The following SLIT3 variants were observed in gnomAD, a reference collection of about 807,000 sequenced individuals.
SLIT3 encodes the protein slit homolog 3 protein.
SLIT3 carries 68 observed loss-of-function variants against 184.0 expected under a neutral mutation model. The ratio of observed to expected loss-of-function variants is 0.37; its 90% CI spans 0.30 to 0.45. SLIT3 has a LOEUF of 0.45. Among genes scored for constraint, SLIT3 ranks in the 20% least tolerant of loss-of-function variants. SLIT3 has a pLI of 1.00. For missense variants in SLIT3, 1,707 were observed against 2,026.0 expected (o/e 0.84, Z 3.02); for synonymous variants, 831 against 828.6 (o/e 1.00, Z -0.05).
intron 4 of SLIT3, among the ~76,000 whole-genome samples, chr5:169,104,417 C>G (rs1760129170): frequency 6.6e-6 from 1 of 152,196 alleles, no homozygotes; most frequent in South Asian, 2.1e-4. Flanking sequence ...TTCCTGACAT[C>G]TTTGCATAGG....
rs114296485 is a variant in SLIT3, at chr5:169,192,033, T to G, written c.413+1446A>C. On this transcript the variant is annotated intron_variant, in intron 4 of 35. Transcript: ENST00000519560. ...TGCAATGCAGTACTGGGTGGAGAGA[T>G]AGTGATTACGTGAGCATCTAAGGGC... 6.8e-3 allele frequency among the ~76,000 whole-genome samples: 1,039 copies of G among 152,232 alleles called. 7 individuals are homozygous for G. Among genetic ancestry groups the G allele is most frequent in the Middle Eastern group, 0.034 (10 of 294 alleles).
At chr5:168,890,958 T>C (rs1296790571) in intron 4 of SLIT3, among the ~76,000 whole-genome samples, 1 of 152,228 alleles carries the variant, frequency 6.6e-6, no homozygotes, top group African/African-American at 2.4e-5. Context: ...CACATCCCGG[T>C]TCTGCTACTC....
At chr5:168,742,528 C>G (rs2915812) in intron 20 of SLIT3, among the ~76,000 whole-genome samples, 2,461 of 82,720 alleles carry the variant, frequency 0.03, 49 homozygotes, top group Middle Eastern at 0.066. Flanking sequence ...TGAGACATAC[C>G]AGCTGCACAC....
intron 9 of SLIT3, among the ~76,000 whole-genome samples, chr5:168,802,038 T>G (rs1302342123): frequency 6.6e-6 from 1 of 151,548 alleles, no homozygotes; most frequent in South Asian, 2.1e-4. Context: ...TAGCTAAGGA[T>G]TGAGAATAGG....
chr5:168,813,652 T>C (rs568666449), intron 8 of SLIT3, among the ~76,000 whole-genome samples: 11 of 152,312 alleles, frequency 7.2e-5, no homozygotes, highest in African/African-American at 1.2e-4. Flanking sequence ...ACAGAGGAGA[T>C]GAATTTTGCC....
At chr5:169,096,509 T>C (rs1759788549) in intron 4 of SLIT3, among the ~76,000 whole-genome samples, 1 of 152,256 alleles carries the variant, frequency 6.6e-6, no homozygotes, top group African/African-American at 2.4e-5. Flanking sequence ...GCCATAGATA[T>C]GTAAATAAGT....
At chr5:169,058,269 C>A (rs1396707068) in intron 4 of SLIT3, among the ~76,000 whole-genome samples, 1 of 152,242 alleles carries the variant, frequency 6.6e-6, no homozygotes, top group African/African-American at 2.4e-5. Flanking sequence ...CAGCCTTTCT[C>A]CCCACTAGTA....
At chr5:169,189,535 T>G (rs1469510036) in intron 4 of SLIT3, among the ~76,000 whole-genome samples, 1 of 5,622 alleles carries the variant, frequency 1.8e-4, no homozygotes, top group African/African-American at 6.5e-4. Context: ...GGGATATATA[T>G]ATATATATAT....
chr5:168,851,902 C>T (rs1212551381), intron 5 of SLIT3, among the ~76,000 whole-genome samples: 1 of 152,216 alleles, frequency 6.6e-6, no homozygotes, highest in Non-Finnish European at 1.5e-5. Flanking sequence ...AAAGGCTCCT[C>T]ACTGCAGCTT....
At chr5:168,914,610 C>T (rs938847327) in intron 4 of SLIT3, among the ~76,000 whole-genome samples, 2 of 152,214 alleles carry the variant, frequency 1.3e-5, no homozygotes, top group Non-Finnish European at 2.9e-5. Context: ...ACTCGTTTTG[C>T]TATTCCACCA....
chr5:169,187,259 C>T (rs528482113), intron 4 of SLIT3, among the ~76,000 whole-genome samples: 12 of 151,816 alleles, frequency 7.9e-5, no homozygotes, highest in African/African-American at 2.4e-4. Context: ...ACTACATGCA[C>T]GCACCACCAC....
chr5:168,718,101 G>C (rs1762805148), intron 23 of SLIT3: 1 of 151,690 alleles, frequency 6.6e-6, no homozygotes, highest in Non-Finnish European at 1.5e-5. Flanking sequence ...CCATGGTTGG[G>C]AGGTCACAGT....
At chr5:169,009,089 A>T (rs939747826) in intron 4 of SLIT3, among the ~76,000 whole-genome samples, 2 of 146,844 alleles carry the variant, frequency 1.4e-5, no homozygotes, top group Non-Finnish European at 3.0e-5. Context: ...CAAAATTACA[A>T]TTTTTTTTTA....
intron 4 of SLIT3, among the ~76,000 whole-genome samples, chr5:169,183,255 G>T (rs533262401): frequency 1.3e-5 from 2 of 152,188 alleles, no homozygotes; most frequent in Non-Finnish European, 2.9e-5. Context: ...TAAGCTGGGT[G>T]TTTGTTTTAT....
chr5:168,948,187 G>A (rs1447660941), intron 4 of SLIT3, among the ~76,000 whole-genome samples: 3 of 152,100 alleles, frequency 2.0e-5, no homozygotes, highest in South Asian at 2.1e-4. Context: ...GACCTGACGC[G>A]CCACCCCAGC....
intron 4 of SLIT3, among the ~76,000 whole-genome samples, chr5:169,005,451 A>G (rs1420201444): frequency 6.6e-6 from 1 of 152,218 alleles, no homozygotes; most frequent in Admixed American, 6.5e-5. Flanking sequence ...GGCAAGGTGA[A>G]CGGTAAACAT....
chr5:168,700,229 A>T (rs1464545394), intron 27 of SLIT3, among the ~76,000 whole-genome samples: 1 of 152,196 alleles, frequency 6.6e-6, no homozygotes, highest in African/African-American at 2.4e-5. Flanking sequence ...TCCCTACCCA[A>T]ATCTCACCTT....
intron 3 of SLIT3, among the ~76,000 whole-genome samples, chr5:169,210,346 T>C (rs1251006583): frequency 2.0e-5 from 3 of 152,234 alleles, no homozygotes; most frequent in Non-Finnish European, 2.9e-5. Context: ...TTATATTTTT[T>C]ATGTTTTTAC....
intron 14 of SLIT3, among the ~76,000 whole-genome samples, chr5:168,765,782 T>C (rs1755320909): frequency 6.6e-6 from 1 of 152,106 alleles, no homozygotes; most frequent in African/African-American, 2.4e-5. Flanking sequence ...GCCATAAAAC[T>C]CAACCTCGGC....
Sources: allele counts gnomAD v4.1 joint callset (sites outside exome capture counted in the v4.1 genomes callset), GRCh38; gene constraint gnomAD v4.1.1; transcripts MANE v1.5; gene names NCBI Gene and HGNC (gene_info 2026-07-23, HGNC 2026-07-21).